The following ATP9B variants were observed in gnomAD, a reference collection of about 807,000 sequenced individuals.
ATP9B encodes probable phospholipid-transporting ATPase IIB.
In ATP9B, 110 loss-of-function variants were observed where a neutral mutation model predicts 146.1. The observed-to-expected ratio is 0.75, with a 90% CI of 0.65 to 0.88. The LOEUF is 0.88. Among genes scored for constraint, ATP9B ranks in the 40% least tolerant of loss-of-function variants. The pLI, the probability that ATP9B is intolerant of heterozygous loss-of-function variation, is 0.00. For synonymous variants in ATP9B, 604 were observed against 569.7 expected, an observed-to-expected ratio of 1.06 and a Z score of -0.86; for missense variants, 1,499 against 1,496.4, an observed-to-expected ratio of 1.00 and a Z score of -0.03.
At chr18:79,098,583 G>A (rs542279862) in intron 2 of ATP9B, among the ~76,000 whole-genome samples, 1 of 152,052 alleles carries the variant, frequency 6.6e-6, no homozygotes, top group South Asian at 2.1e-4. Flanking sequence ...GACATGAACA[G>A]ACACTTCTCA....
chr18:79,315,869 T>A (rs925176618), intron 15 of ATP9B, among the ~76,000 whole-genome samples: 4 of 152,226 alleles, frequency 2.6e-5, no homozygotes, highest in Non-Finnish European at 5.9e-5. Context: ...GGTTCCCACT[T>A]ACATATATTT....
intron 11 of ATP9B, among the ~76,000 whole-genome samples, chr18:79,245,091 C>G (rs191933043): frequency 2.0e-5 from 3 of 152,214 alleles, no homozygotes; most frequent in Non-Finnish European, 2.9e-5. Context: ...CTGTCAGGAT[C>G]TGCTCTTCTT....
chr18:79,079,967 C>T (rs941294559), intron 1 of ATP9B, among the ~76,000 whole-genome samples: 2 of 152,110 alleles, frequency 1.3e-5, no homozygotes, highest in Admixed American at 6.5e-5. Context: ...CGATGTGTGG[C>T]GTTATTTCTG....
intron 13 of ATP9B, among the ~76,000 whole-genome samples, chr18:79,302,944 G>C (rs1164323335): frequency 1.3e-5 from 2 of 152,176 alleles, no homozygotes; most frequent in Non-Finnish European, 2.9e-5. Context: ...TAATTATAAA[G>C]GTGGTGACTC....
intron 19 of ATP9B, among the ~76,000 whole-genome samples, chr18:79,338,749 A>C (rs114444136): frequency 0.015 from 2,322 of 152,290 alleles, 63 homozygotes; most frequent in African/African-American, 0.053. Context: ...ACATGTTCTC[A>C]TTGAAGCCGA....
At chr18:79,276,614 G>A (rs961638426) in intron 12 of ATP9B, among the ~76,000 whole-genome samples, 4 of 152,136 alleles carry the variant, frequency 2.6e-5, no homozygotes, top group African/African-American at 9.7e-5. Flanking sequence ...TGTCCCTTGC[G>A]GGCATATACG....
At chr18:79,257,521 G>T (rs1388558876) in intron 12 of ATP9B, among the ~76,000 whole-genome samples, 1 of 152,226 alleles carries the variant, frequency 6.6e-6, no homozygotes, top group East Asian at 1.9e-4. Flanking sequence ...GGAACAGAGA[G>T]AACCTTGCAG....
At chr18:79,075,126 G>A (rs944559340) in intron 1 of ATP9B, among the ~76,000 whole-genome samples, 1 of 151,112 alleles carries the variant, frequency 6.6e-6, no homozygotes, top group Admixed American at 6.6e-5. Flanking sequence ...CCCCAGGCTG[G>A]AGTGCATTGG....
intron 28 of ATP9B, 34 bp from the exon 29 acceptor site, chr18:79,375,360 G>T (rs777616021): frequency 1.1e-5 from 18 of 1,579,612 alleles, no homozygotes; most frequent in Non-Finnish European, 1.6e-5. Context: ...CCTTTAATCT[G>T]TCCTTTATTT....
At chr18:79,217,288 C>T (rs1008833910) in intron 11 of ATP9B, among the ~76,000 whole-genome samples, 2 of 152,222 alleles carry the variant, frequency 1.3e-5, no homozygotes, top group Non-Finnish European at 2.9e-5. Flanking sequence ...GAGTTCACGC[C>T]ATTCTCCTGC....
rs2094286968 is a variant in ATP9B, at chr18:79,126,374, A to T, written c.666A>T (p.Arg222Ser). 6.2e-7 allele frequency: 1 copy of T among 1,603,630 alleles called. No individual in the cohort carries two copies. The highest frequency in any genetic ancestry group is 1.3e-5 in the African/African-American group (1 of 74,764). Residue 222 changes from arginine (R) to serine (S), a missense_variant and splice_region_variant, in exon 5 of 30, where the codon AGA becomes AGT. By Grantham distance (110) the Arg-to-Ser change is moderately radical. Coordinates refer to ENST00000426216, the MANE Select transcript of ATP9B (RefSeq NM_198531.5). ...NSQLYSKLTV[R>S]GKVQVKSSDI... The stretch of plus-strand genomic sequence containing the variant: ...AACTATATAGCAAGCTTACAGTAAG[A>T]GGTCAGCAAGATGCTTTAATCCTGC...
At chr18:79,331,729 T>C (rs538461632) in intron 17 of ATP9B, among the ~76,000 whole-genome samples, 1 of 152,286 alleles carries the variant, frequency 6.6e-6, no homozygotes, top group South Asian at 2.1e-4. Flanking sequence ...AAAAAAACTT[T>C]TCAATGATCA....
At chr18:79,195,905 A>G (rs78256405) in intron 9 of ATP9B, among the ~76,000 whole-genome samples, 1 of 152,350 alleles carries the variant, frequency 6.6e-6, no homozygotes, top group East Asian at 1.9e-4. Flanking sequence ...AAATCATGAA[A>G]TGGTTTGAAA....
At chr18:79,097,387 T>A (rs932425543) in intron 2 of ATP9B, among the ~76,000 whole-genome samples, 4 of 151,888 alleles carry the variant, frequency 2.6e-5, no homozygotes, top group Middle Eastern at 3.2e-3. Flanking sequence ...TTTTTCTGAG[T>A]CATTTCAGAC....
intron 25 of ATP9B, among the ~76,000 whole-genome samples, chr18:79,356,366 C>T (rs146478524): frequency 6.6e-6 from 1 of 152,036 alleles, no homozygotes. Context: ...CGCTCCTGGG[C>T]GTTTATACCA....
Position 79,144,735 on chromosome 18 carries a change from ATTCTTATTTTT to A in ATP9B, c.726+876_726+886del, listed in dbSNP as rs985073075. 3.2e-4 allele frequency: 27 copies of A among 85,406 alleles called. No homozygotes were observed. In the South Asian group the frequency reaches 5.7e-3, roughly 18 times the overall value. 5.3% of individuals were successfully genotyped at this position (85,406 alleles called of 1,614,324 possible). On this transcript the variant is annotated intron_variant, in intron 6 of 29. Transcript: ENST00000426216. The stretch of plus-strand genomic sequence containing the variant: ...TACTGTCTTTTTTTATTTTTGTTTT[ATTCTTATTTTT>A]ATTTTTTTTCTGAATATTTTCTCTC...
intron 6 of ATP9B, among the ~76,000 whole-genome samples, chr18:79,151,962 G>T (rs1013163131): frequency 3.3e-5 from 5 of 152,016 alleles, no homozygotes; most frequent in Admixed American, 2.0e-4. Flanking sequence ...AATCTACAAA[G>T]AACTTAAACA....
chr18:79,143,137 G>T (rs2094534138), intron 5 of ATP9B, among the ~76,000 whole-genome samples: 1 of 152,098 alleles, frequency 6.6e-6, no homozygotes, highest in Non-Finnish European at 1.5e-5. Flanking sequence ...GAATGAATTT[G>T]CCTGTTTTGT....
At chr18:79,224,590 G>A (rs1192787348) in intron 11 of ATP9B, among the ~76,000 whole-genome samples, 3 of 152,274 alleles carry the variant, frequency 2.0e-5, no homozygotes, top group Middle Eastern at 3.4e-3. Context: ...AACAGGTCAC[G>A]TGTGTGCTGT....
Sources: allele counts gnomAD v4.1 joint callset (sites outside exome capture counted in the v4.1 genomes callset), GRCh38; gene constraint gnomAD v4.1.1; transcripts MANE v1.5; gene names NCBI Gene and HGNC (gene_info 2026-07-23, HGNC 2026-07-21).